Variants in GLIS3 observed in about 807,000 individuals in gnomAD.
GLIS3 encodes zinc finger protein GLIS3.
In GLIS3, 53 loss-of-function variants were observed where a neutral mutation model predicts 78.6. The observed-to-expected ratio is 0.67, with a 90% CI of 0.54 to 0.85. GLIS3 has a LOEUF of 0.85. GLIS3 is among the 40% of genes least tolerant of loss of function. GLIS3 has a pLI of 0.00. For missense variants in GLIS3, 1,703 were observed against 1,231.1 expected, an observed-to-expected ratio of 1.38 and a Z score of -5.74; for synonymous variants, 684 against 509.9, an observed-to-expected ratio of 1.34 and a Z score of -4.60.
intron 2 of GLIS3, among the ~76,000 whole-genome samples, chr9:4,227,894 G>A (rs1025411778): frequency 6.6e-6 from 1 of 152,166 alleles, no homozygotes; most frequent in Non-Finnish European, 1.5e-5. Flanking sequence ...GGGACCCGAG[G>A]GACACAGGCA....
chr9:3,994,818 A>G (rs1820610949), intron 4 of GLIS3, among the ~76,000 whole-genome samples: 1 of 152,200 alleles, frequency 6.6e-6, no homozygotes, highest in Non-Finnish European at 1.5e-5. Flanking sequence ...ACATCTAAAA[A>G]TGGCGGCTAA....
At chr9:3,852,369 AAGAG>A (rs1032077767) in intron 9 of GLIS3, among the ~76,000 whole-genome samples, 2 of 152,180 alleles carry the variant, frequency 1.3e-5, no homozygotes, top group South Asian at 2.1e-4. Flanking sequence ...AAGTTTTTGA[AAGAG>A]AGAACAAACA....
intron 4 of GLIS3, among the ~76,000 whole-genome samples, chr9:4,025,413 G>C (rs1447951343): frequency 6.6e-6 from 1 of 152,068 alleles, no homozygotes; most frequent in Non-Finnish European, 1.5e-5. Context: ...TTTTGAGACT[G>C]AGTCTCCCTC....
intron 2 of GLIS3, among the ~76,000 whole-genome samples, chr9:4,222,171 CTT>C (rs1821382759): frequency 6.6e-6 from 1 of 152,228 alleles, no homozygotes; most frequent in African/African-American, 2.4e-5. Context: ...TGTTCCATCA[CTT>C]TGTAAGCTCT....
intron 4 of GLIS3, among the ~76,000 whole-genome samples, chr9:4,005,056 C>T (rs1423457990): frequency 1.3e-5 from 2 of 152,222 alleles, no homozygotes; most frequent in Admixed American, 1.3e-4. Context: ...ATTCTCCATT[C>T]TGTTCTGAAC....
rs767610111 is a variant in GLIS3 at position 4,121,620 on chromosome 9, G to GACACAC, written c.597-2745_597-2740dup. ...CAGGGTTTGGGAAATTTCTCCCAGT[G>GACACAC]ACACACACACACACACACACACACA... On this transcript the variant is annotated intron_variant, in intron 3 of 10. Transcript: ENST00000381971. 7.9e-3 allele frequency among the ~76,000 whole-genome samples: 1,120 copies of GACACAC among 142,192 alleles called. 1 individual carries two copies. The highest frequency in any genetic ancestry group is 9.0e-3 in the South Asian group (39 of 4,316). The allele number at this position is 142,192 out of a possible 152,430, so 93.3% of individuals were successfully genotyped here.
chr9:4,128,036 C>G (rs752210277), intron 2 of GLIS3, among the ~76,000 whole-genome samples: 2 of 152,160 alleles, frequency 1.3e-5, no homozygotes, highest in Non-Finnish European at 2.9e-5. Flanking sequence ...TGCATGATGT[C>G]CAGATTTCAG....
At chr9:4,435,300 G>A in the GLIS3 span, among the ~76,000 whole-genome samples, 996 of 152,278 alleles carry the variant, frequency 6.5e-3, 11 homozygotes, top group African/African-American at 0.023. Context: ...TGGGATTATA[G>A]TGTAGATTGA....
At chr9:4,271,377 G>A (rs1037530260) in intron 2 of GLIS3, among the ~76,000 whole-genome samples, 3 of 152,094 alleles carry the variant, frequency 2.0e-5, no homozygotes, top group Admixed American at 6.6e-5. Context: ...AACTGCATGG[G>A]GGGTCAGCAC....
chr9:4,410,052 A>C, the GLIS3 span, among the ~76,000 whole-genome samples: 1 of 151,742 alleles, frequency 6.6e-6, no homozygotes, highest in African/African-American at 2.4e-5. Flanking sequence ...CTCACTGCAA[A>C]CTCTGCCTCC....
At chr9:4,341,890 A>G (rs1032534595) in intron 2 of GLIS3, among the ~76,000 whole-genome samples, 4 of 152,286 alleles carry the variant, frequency 2.6e-5, no homozygotes, top group Middle Eastern at 3.4e-3. Flanking sequence ...GACCACGTAT[A>G]TGTCTTCTTT....
chr9:4,355,874 G>T, the GLIS3 span, among the ~76,000 whole-genome samples: 1 of 152,138 alleles, frequency 6.6e-6, no homozygotes, highest in African/African-American at 2.4e-5. Flanking sequence ...AGGGGCATGT[G>T]GGAAAGTCCT....
intron 9 of GLIS3, among the ~76,000 whole-genome samples, chr9:3,851,764 G>A (rs1420776901): frequency 6.6e-6 from 1 of 152,180 alleles, no homozygotes; most frequent in Non-Finnish European, 1.5e-5. Flanking sequence ...TCTACACACA[G>A]AGCAATCTAC....
intron 4 of GLIS3, among the ~76,000 whole-genome samples, chr9:4,003,843 G>A (rs908738907): frequency 6.6e-6 from 1 of 152,144 alleles, no homozygotes; most frequent in Non-Finnish European, 1.5e-5. Flanking sequence ...TCTTTCTTTG[G>A]TGCTTGTATC....
rs138994795 is a variant in GLIS3, at chr9:4,154,310, G to A, written c.389-28369C>T. ...TCACAAAAGAGAATATAGAATGGGA[G>A]CTATGGTTTTAGTCATCATTGGAAA... On this transcript the variant is annotated intron_variant, in intron 2 of 10. Coordinates refer to ENST00000381971, the MANE Select transcript of GLIS3 (RefSeq NM_001042413.2). Among the ~76,000 whole-genome samples, 188 of 152,264 alleles carry A rather than the reference G, an allele frequency of 1.2e-3. 1 individual carries two copies. Among genetic ancestry groups the A allele is most frequent in the African/African-American group, 4.4e-3 (181 of 41,536 alleles).
At chr9:4,454,838 A>G in the GLIS3 span, among the ~76,000 whole-genome samples, 1 of 152,174 alleles carries the variant, frequency 6.6e-6, no homozygotes, top group East Asian at 1.9e-4. Flanking sequence ...TGGCACCCTG[A>G]AGTAGGGGAT....
intron 2 of GLIS3, among the ~76,000 whole-genome samples, chr9:4,199,678 A>T (rs1221303219): frequency 6.6e-6 from 1 of 152,132 alleles, no homozygotes; most frequent in Non-Finnish European, 1.5e-5. Context: ...TAGACCTACA[A>T]AAAAGACTTA....
intron 4 of GLIS3, among the ~76,000 whole-genome samples, chr9:4,111,411 G>A (rs1463049396): frequency 1.3e-5 from 2 of 152,156 alleles, no homozygotes; most frequent in Non-Finnish European, 2.9e-5. Flanking sequence ...AATCTGCTAC[G>A]AATTTATTTT....
the GLIS3 span, among the ~76,000 whole-genome samples, chr9:4,374,069 G>A: frequency 1.3e-5 from 2 of 152,186 alleles, no homozygotes; most frequent in African/African-American, 4.8e-5. Context: ...AATAGGTAAT[G>A]GTGATGCTTT....
Sources: gnomAD v4.1 joint callset for allele counts (sites outside exome capture counted in the v4.1 genomes callset) on GRCh38, gnomAD v4.1.1 for gene constraint, MANE v1.5 for transcripts, NCBI Gene and HGNC (gene_info 2026-07-23, HGNC 2026-07-21) for gene names.